The following VPS4B variants were observed in gnomAD, a reference collection of about 807,000 sequenced individuals.
VPS4B encodes vacuolar protein sorting 4 homolog B, also known as vacuolar protein sorting-associated protein 4B.
A neutral mutation model predicts 56.1 loss-of-function variants in VPS4B; 23 were observed. The ratio of observed to expected loss-of-function variants is 0.41; its 90% CI spans 0.30 to 0.58. VPS4B has a LOEUF of 0.58. VPS4B is among the 20% of genes least tolerant of loss of function. The probability of loss-of-function intolerance (pLI) is 0.29; values close to 1 mark genes in which losing one functional copy is unlikely to be tolerated. For missense variants in VPS4B, 372 were observed against 531.9 expected, an observed-to-expected ratio of 0.70 and a Z score of 2.96; for synonymous variants, 177 against 186.0, an observed-to-expected ratio of 0.95 and a Z score of 0.39.
chr18:63,404,697 G>A (rs1308960123), intron 4 of VPS4B: 1 of 152,138 alleles, frequency 6.6e-6, no homozygotes, highest in Non-Finnish European at 1.5e-5. Flanking sequence ...CCTGTTCTAA[G>A]ATGACATGTA....
intron 7 of VPS4B, 80 bp from the exon 8 acceptor site, chr18:63,399,403 A>G: frequency 7.8e-7 from 1 of 1,279,726 alleles, no homozygotes; most frequent in Non-Finnish European, 1.1e-6. Context: ...CTGTTAAGAA[A>G]TGTGGTGCTT....
At position 63,394,341 on chromosome 18, in the gene VPS4B, G is replaced by A. The variant is rs573287544; in HGVS notation, c.1093-792C>T. On this transcript the variant is annotated intron_variant, in intron 9 of 10. Coordinates refer to ENST00000238497, the MANE Select transcript of VPS4B (RefSeq NM_004869.4). ...AGTGCAAAATTGTATGCTAAATGCAGTATCAATGCCATTTTATCATGTACA... is the reference window on the plus strand; with the variant it reads ...AGTGCAAAATTGTATGCTAAATGCAATATCAATGCCATTTTATCATGTACA... 5.5e-4 allele frequency among the ~76,000 whole-genome samples: 83 copies of A among 152,290 alleles called. No individual in the cohort carries two copies. In the South Asian group the frequency reaches 0.017, roughly 30 times the overall value.
At chr18:63,406,207 A>C (rs1304225248) in intron 4 of VPS4B, among the ~76,000 whole-genome samples, 1 of 152,204 alleles carries the variant, frequency 6.6e-6, no homozygotes, top group African/African-American at 2.4e-5. Context: ...CAGTAGTTTC[A>C]GGTGGTGGGG....
intron 4 of VPS4B, among the ~76,000 whole-genome samples, chr18:63,404,926 T>A (rs1484902626): frequency 1.3e-5 from 2 of 152,124 alleles, no homozygotes; most frequent in African/African-American, 4.8e-5. Flanking sequence ...CAGACTACTA[T>A]AAAGTAAGAA....
chr18:63,411,813 A>T (rs1207881456), intron 1 of VPS4B, among the ~76,000 whole-genome samples: 2 of 152,232 alleles, frequency 1.3e-5, no homozygotes, highest in Non-Finnish European at 2.9e-5. Context: ...ATGTTATAGG[A>T]ATAAATGCTA....
chr18:63,398,619 T>C (rs968652038), intron 8 of VPS4B, among the ~76,000 whole-genome samples: 5 of 151,538 alleles, frequency 3.3e-5, no homozygotes, highest in Non-Finnish European at 7.4e-5. Context: ...GGGTGGATCA[T>C]GAGGTCAAGA....
At chr18:63,398,384 A>G (rs1568084736) in intron 8 of VPS4B, among the ~76,000 whole-genome samples, 1 of 151,680 alleles carries the variant, frequency 6.6e-6, no homozygotes, top group East Asian at 1.9e-4. Context: ...ATGGCCAGGT[A>G]ATTTTTTTGG....
rs1915529527 is a variant in VPS4B, at chr18:63,390,725, A to G, written c.*250T>C. ...TTTCTGACATCCTTTTTACTGGGTA[A>G]TTTCTGTTTTTATGCCGTTCATATA... On this transcript the variant is annotated 3_prime_UTR_variant, in exon 11 of 11. Coordinates refer to ENST00000238497, the MANE Select transcript of VPS4B (RefSeq NM_004869.4). 1 of 221,442 alleles carries G rather than the reference A, an allele frequency of 4.5e-6. No individual in the cohort carries two copies. Among genetic ancestry groups the G allele is most frequent in the African/African-American group, 2.3e-5 (1 of 43,854 alleles). 13.7% of individuals were successfully genotyped at this position (221,442 alleles called of 1,614,324 possible).
At chr18:63,421,452 G>A (rs1460317658) in intron 1 of VPS4B, among the ~76,000 whole-genome samples, 1 of 152,158 alleles carries the variant, frequency 6.6e-6, no homozygotes, top group Non-Finnish European at 1.5e-5. Flanking sequence ...TTGACTTACT[G>A]GACTGGGAGT....
At chr18:63,417,627 T>TTGTG (rs1916198704) in intron 1 of VPS4B, among the ~76,000 whole-genome samples, 1 of 152,168 alleles carries the variant, frequency 6.6e-6, no homozygotes, top group Non-Finnish European at 1.5e-5. Flanking sequence ...CTGATGATCT[T>TTGTG]TGTGTGTGCA....
At chr18:63,399,771 G>A (rs555759737) in intron 7 of VPS4B, among the ~76,000 whole-genome samples, 2 of 150,196 alleles carry the variant, frequency 1.3e-5, no homozygotes, top group East Asian at 2.1e-4. Flanking sequence ...AAATGAAACA[G>A]TTTGTTAGAA....
chr18:63,413,001 G>A (rs141622202), intron 1 of VPS4B, among the ~76,000 whole-genome samples: 3,449 of 152,268 alleles, frequency 0.023, 68 homozygotes, highest in Middle Eastern at 0.031. Flanking sequence ...TATAGACTGG[G>A]AGAAATATTT....
intron 10 of VPS4B, among the ~76,000 whole-genome samples, chr18:63,391,404 T>C (rs947279101): frequency 6.6e-6 from 1 of 152,146 alleles, no homozygotes; most frequent in Non-Finnish European, 1.5e-5. Context: ...AATTTTTGTA[T>C]TTTTAGTAGA....
chr18:63,401,177 T>C (rs1915799314), intron 5 of VPS4B, among the ~76,000 whole-genome samples: 1 of 152,232 alleles, frequency 6.6e-6, no homozygotes, highest in Admixed American at 6.5e-5. Flanking sequence ...TAACAAAGTT[T>C]GGATGACTTG....
chr18:63,419,187 C>T (rs548033720), intron 1 of VPS4B, among the ~76,000 whole-genome samples: 22 of 152,300 alleles, frequency 1.4e-4, no homozygotes, highest in African/African-American at 4.8e-4. Context: ...CTTTGGGAGG[C>T]CAACGGGGGT....
chr18:63,415,596 A>G, intron 1 of VPS4B: 1 of 252,342 alleles, frequency 4.0e-6, no homozygotes, highest in South Asian at 5.5e-5. Flanking sequence ...GCCCTGAGTG[A>G]AGCAGTGGTC....
At chr18:63,419,654 T>C (rs1158569046) in intron 1 of VPS4B, among the ~76,000 whole-genome samples, 4 of 152,210 alleles carry the variant, frequency 2.6e-5, no homozygotes, top group African/African-American at 9.6e-5. Flanking sequence ...TTCTCAACCT[T>C]CTTGTGATTA....
chr18:63,422,180 G>A (rs1568093731), intron 1 of VPS4B, 53 bp downstream of exon 1: 5 of 1,429,004 alleles, frequency 3.5e-6, no homozygotes, highest in Non-Finnish European at 4.6e-6. Flanking sequence ...CCCGCTTCTC[G>A]CGCCTCCCCT....
At chr18:63,420,341 G>C (rs541650155) in intron 1 of VPS4B, among the ~76,000 whole-genome samples, 12 of 152,212 alleles carry the variant, frequency 7.9e-5, no homozygotes, top group African/African-American at 2.2e-4. Flanking sequence ...CCAGCTACTC[G>C]GGAGGCTGAG....
Sources: allele counts gnomAD v4.1 joint callset (sites outside exome capture counted in the v4.1 genomes callset), GRCh38; gene constraint gnomAD v4.1.1; transcripts MANE v1.5; gene names NCBI Gene and HGNC (gene_info 2026-07-23, HGNC 2026-07-21).